CADPS2: variants seen among roughly 807,000 people sequenced by gnomAD.
CADPS2 encodes calcium-dependent secretion activator 2.
CADPS2 carries 93 observed loss-of-function variants against 172.5 expected under a neutral mutation model. That is an observed-to-expected ratio of 0.54 (90% CI 0.46 to 0.64). The LOEUF (loss-of-function observed/expected upper bound fraction) is 0.64, where lower values mean the gene tolerates loss of function less well. Among genes scored for constraint, CADPS2 ranks in the 30% least tolerant of loss-of-function variants. CADPS2 has a pLI of 0.00. For synonymous variants in CADPS2, 546 were observed against 555.2 expected (o/e 0.98, Z 0.23); for missense variants, 1,420 against 1,565.9 (o/e 0.91, Z 1.57).
chr7:122,395,494 T>G (rs1032693255), intron 20 of CADPS2: 2 of 152,234 alleles, frequency 1.3e-5, no homozygotes, highest in Admixed American at 1.3e-4. Context: ...CTTTATTTAT[T>G]CCTGGAGATT....
At chr7:122,366,610 TACACAC>T (rs200926726) in intron 25 of CADPS2, among the ~76,000 whole-genome samples, 3,006 of 126,128 alleles carry the variant, frequency 0.024, 114 homozygotes, top group African/African-American at 0.068. Context: ...ATCTCAAAAA[TACACAC>T]ACACACACAC....
At chr7:122,881,181 A>G (rs1267210202) in intron 1 of CADPS2, among the ~76,000 whole-genome samples, 2 of 152,214 alleles carry the variant, frequency 1.3e-5, no homozygotes, top group African/African-American at 4.8e-5. Context: ...GAATGAAGAG[A>G]GCTGTTTCCA....
At chr7:122,527,650 G>GTC (rs2061381764) in intron 8 of CADPS2, among the ~76,000 whole-genome samples, 1 of 137,940 alleles carries the variant, frequency 7.2e-6, no homozygotes, top group Admixed American at 7.2e-5. Flanking sequence ...GTGTGTGTGT[G>GTC]TGTTTCCTGC....
chr7:122,509,855 A>C (rs1041297116), intron 9 of CADPS2, among the ~76,000 whole-genome samples: 2 of 152,192 alleles, frequency 1.3e-5, no homozygotes, highest in African/African-American at 4.8e-5. Flanking sequence ...AATGTTTTAC[A>C]TAAATGCTTG....
chr7:122,886,288 T>C lies in CADPS2; in HGVS notation c.50A>G (p.Glu17Gly). ...SEEESDEGLE[E>G]ESRDVLVAAG... ...TGCCACCAGCACATCGCGGCTTTCC[T>C]CTTCCAGCCCCTCGTCCGACTCCTC... Residue 17 changes from glutamate to glycine, a missense_variant, in exon 1 of 30, where the codon GAG becomes GGG. Glu to Gly is a moderately conservative substitution (Grantham distance 98). Coordinates refer to ENST00000449022, the MANE Select transcript of CADPS2 (RefSeq NM_017954.11). 1 of 1,504,656 alleles carries C rather than the reference T, an allele frequency of 6.6e-7. No homozygotes were observed. The highest frequency in any genetic ancestry group is 2.2e-5 in the Admixed American group (1 of 46,280). 93.2% of individuals were successfully genotyped at this position (1,504,656 alleles called of 1,614,324 possible).
chr7:122,409,417 G>A (rs147695041), intron 19 of CADPS2, among the ~76,000 whole-genome samples: 1 of 152,000 alleles, frequency 6.6e-6, no homozygotes, highest in Non-Finnish European at 1.5e-5. Flanking sequence ...TCTTCTTAAA[G>A]TTAACTTGGA....
chr7:122,417,510 A>T (rs1439467322), intron 17 of CADPS2, among the ~76,000 whole-genome samples: 1 of 152,238 alleles, frequency 6.6e-6, no homozygotes, highest in Non-Finnish European at 1.5e-5. Flanking sequence ...CTCAACTCAG[A>T]ACCAGAAAAT....
At chr7:122,786,645 T>C (rs1794110897) in intron 1 of CADPS2, among the ~76,000 whole-genome samples, 1 of 152,234 alleles carries the variant, frequency 6.6e-6, no homozygotes, top group Non-Finnish European at 1.5e-5. Context: ...GTAAATTTTT[T>C]TACTACTGTT....
chr7:122,663,454 T>A lies in CADPS2; in HGVS notation c.569A>T (p.Glu190Val). The A allele has an allele frequency of 1.2e-6, 2 of 1,614,000 alleles. No homozygotes were observed. Among genetic ancestry groups the A allele is most frequent in the Non-Finnish European group, 1.7e-6 (2 of 1,179,884 alleles). The change falls in exon 3 of 30, where the codon GAA (glutamate) becomes GTA (valine). Residue 190 changes from glutamate (E) to valine (V), a missense_variant. Transcript: ENST00000449022. ...NIEKRVRSLP[E>V]IDGLSKETVL... ...TGTCTCTTTGCTCAAGCCATCTATT[T>A]CTGGCAAACTCCGCACACGTTTTTC...
intron 1 of CADPS2, among the ~76,000 whole-genome samples, chr7:122,834,450 G>T (rs1807611843): frequency 6.6e-6 from 1 of 152,114 alleles, no homozygotes. Flanking sequence ...AGGACAGCGG[G>T]TGCAGCCCAC....
intron 1 of CADPS2, among the ~76,000 whole-genome samples, chr7:122,809,988 G>C (rs945951222): frequency 6.6e-6 from 1 of 152,142 alleles, no homozygotes; most frequent in African/African-American, 2.4e-5. Context: ...TGTCAAATGA[G>C]CTGGAAAACA....
chr7:122,797,056 C>T (rs2139830126), intron 1 of CADPS2, among the ~76,000 whole-genome samples: 1 of 151,814 alleles, frequency 6.6e-6, no homozygotes, highest in South Asian at 2.1e-4. Context: ...TAAATAGACA[C>T]TTTTCAAAAG....
chr7:122,757,081 C>A (rs2093195176), intron 1 of CADPS2, among the ~76,000 whole-genome samples: 1 of 116,896 alleles, frequency 8.6e-6, no homozygotes, highest in African/African-American at 5.1e-5. Flanking sequence ...GGTGGGGAAG[C>A]TCTGAACTGT....
chr7:122,535,980 G>A (rs1230712934), intron 8 of CADPS2, among the ~76,000 whole-genome samples: 1 of 152,078 alleles, frequency 6.6e-6, no homozygotes, highest in East Asian at 1.9e-4. Context: ...GCTGCTGTGA[G>A]GCAGTCCTAA....
At chr7:122,760,541 G>A (rs1342542392) in intron 1 of CADPS2, among the ~76,000 whole-genome samples, 1 of 151,960 alleles carries the variant, frequency 6.6e-6, no homozygotes, top group Non-Finnish European at 1.5e-5. Flanking sequence ...AATGTAGAGA[G>A]TTCAGTACCA....
intron 7 of CADPS2, among the ~76,000 whole-genome samples, chr7:122,577,012 C>T (rs896095194): frequency 1.3e-4 from 20 of 151,990 alleles, no homozygotes; most frequent in African/African-American, 4.6e-4. Context: ...CCCCCTGCCT[C>T]GGCCTCCCAT....
intron 1 of CADPS2, among the ~76,000 whole-genome samples, chr7:122,815,673 G>A (rs1053639412): frequency 6.6e-6 from 1 of 151,986 alleles, no homozygotes; most frequent in Non-Finnish European, 1.5e-5. Context: ...AAAGCTGATA[G>A]AGCATAAATC....
Position 122,379,454 on chromosome 7 carries a change from A to G in CADPS2, c.3313-12T>C. The G allele has an allele frequency of 6.3e-7, 1 of 1,579,072 alleles. No homozygotes were observed. Among genetic ancestry groups the G allele is most frequent in the Non-Finnish European group, 8.7e-7 (1 of 1,152,116 alleles). ...GAATGGTACTGTTGCTAGATATTAA[A>G]AGATAAAAACTCATTAGTTGACATG... On this transcript the variant is annotated splice_polypyrimidine_tract_variant and intron_variant, in intron 24 of 29. Coordinates refer to ENST00000449022, the MANE Select transcript of CADPS2 (RefSeq NM_017954.11).
At chr7:122,694,267 G>A (rs1437027654) in intron 2 of CADPS2, among the ~76,000 whole-genome samples, 1 of 152,186 alleles carries the variant, frequency 6.6e-6, no homozygotes, top group Admixed American at 6.5e-5. Flanking sequence ...CTTGGAATGA[G>A]AACCAAGAAT....
Sources: allele counts gnomAD v4.1 joint callset (sites outside exome capture counted in the v4.1 genomes callset), GRCh38; gene constraint gnomAD v4.1.1; transcripts MANE v1.5; gene names NCBI Gene and HGNC (gene_info 2026-07-23, HGNC 2026-07-21).